The following KDM2A variants were observed in gnomAD, a reference collection of about 807,000 sequenced individuals.
KDM2A encodes the protein lysine demethylase 2A.
Under a neutral mutation model 137.3 loss-of-function variants are expected in KDM2A, and 3 were observed. The observed-to-expected ratio is 0.02, with a 90% CI of 0.01 to 0.06. The LOEUF is 0.06. KDM2A is among the 10% of genes least tolerant of loss of function. The pLI is 1.00. For synonymous variants in KDM2A, 512 were observed against 541.5 expected, an observed-to-expected ratio of 0.95 and a Z score of 0.76; for missense variants, 738 against 1,510.6, an observed-to-expected ratio of 0.49 and a Z score of 8.48.
chr11:67,201,651 C>G (rs1404829211), intron 5 of KDM2A, among the ~76,000 whole-genome samples: 5 of 151,504 alleles, frequency 3.3e-5, no homozygotes, highest in African/African-American at 1.2e-4. Context: ...GCCTGTAGTC[C>G]CAGCTACTTG....
intron 12 of KDM2A, among the ~76,000 whole-genome samples, chr11:67,232,395 A>G (rs2136427345): frequency 6.6e-6 from 1 of 152,352 alleles, no homozygotes; most frequent in East Asian, 1.9e-4. Flanking sequence ...GCCTCTTTAG[A>G]TTCAAATTTA....
chr11:67,203,690 G>A (rs1378626442), intron 5 of KDM2A, among the ~76,000 whole-genome samples: 1 of 151,330 alleles, frequency 6.6e-6, no homozygotes, highest in African/African-American at 2.4e-5. Context: ...GGAGGCAGAG[G>A]TTGCATTGAG....
intron 2 of KDM2A, among the ~76,000 whole-genome samples, chr11:67,148,673 T>G (rs964264814): frequency 5.0e-4 from 76 of 152,010 alleles, no homozygotes; most frequent in African/African-American, 1.6e-3. Context: ...TGGTGGTGGG[T>G]GCCTGTAATC....
chr11:67,151,651 C>T (rs1201343320), intron 2 of KDM2A, among the ~76,000 whole-genome samples: 2 of 152,084 alleles, frequency 1.3e-5, no homozygotes, highest in Non-Finnish European at 2.9e-5. Flanking sequence ...TGGACCCGGC[C>T]TCAAATCCTG....
intron 2 of KDM2A, among the ~76,000 whole-genome samples, chr11:67,124,863 T>C (rs1307792465): frequency 2.1e-5 from 3 of 139,604 alleles, no homozygotes; most frequent in African/African-American, 2.6e-5. Flanking sequence ...TTTTTCTTTC[T>C]TTTTTTTTTT....
intron 2 of KDM2A, among the ~76,000 whole-genome samples, chr11:67,163,206 C>G (rs142693916): frequency 8.2e-4 from 125 of 152,292 alleles, no homozygotes; most frequent in African/African-American, 2.3e-3. Context: ...TTCAAACTCT[C>G]TTGAAGGATC....
intron 5 of KDM2A, among the ~76,000 whole-genome samples, chr11:67,183,898 C>T (rs12274763): frequency 0.081 from 12,247 of 151,188 alleles, 1,669 homozygotes; most frequent in African/African-American, 0.28. Flanking sequence ...TGCTTGAGTC[C>T]AGGAGTTTGA....
chr11:67,227,156 A>T (rs2136418067), intron 10 of KDM2A, among the ~76,000 whole-genome samples: 1 of 152,342 alleles, frequency 6.6e-6, no homozygotes, highest in African/African-American at 2.4e-5. Flanking sequence ...GTGATTGATT[A>T]AGTCGTATGG....
At chr11:67,228,241 C>CA in intron 11 of KDM2A, 78 bp downstream of exon 11, 1 of 1,461,036 alleles carries the variant, frequency 6.8e-7, no homozygotes, top group South Asian at 1.2e-5. Context: ...AGTAGGCTGT[C>CA]ACTCAATATG....
At chr11:67,238,352 A>G (rs1243344094) in intron 12 of KDM2A, among the ~76,000 whole-genome samples, 1 of 152,208 alleles carries the variant, frequency 6.6e-6, no homozygotes, top group Non-Finnish European at 1.5e-5. Flanking sequence ...TTTTCTCTTA[A>G]GTATTCATAC....
chr11:67,230,365 T>A (rs115640717), intron 11 of KDM2A, among the ~76,000 whole-genome samples: 1 of 152,116 alleles, frequency 6.6e-6, no homozygotes, highest in African/African-American at 2.4e-5. Context: ...TGGTGGCTCA[T>A]GCCTGTGATC....
At chr11:67,242,433 A>G (rs1261175593) in intron 12 of KDM2A, among the ~76,000 whole-genome samples, 2 of 152,198 alleles carry the variant, frequency 1.3e-5, no homozygotes, top group Non-Finnish European at 2.9e-5. Context: ...TTAGCAAATC[A>G]TTTTTATGCC....
intron 2 of KDM2A, among the ~76,000 whole-genome samples, chr11:67,154,214 C>T (rs975389448): frequency 4.6e-5 from 7 of 152,220 alleles, no homozygotes; most frequent in East Asian, 1.9e-4. Context: ...AAATCTGGCT[C>T]GTCATTTGAT....
intron 6 of KDM2A, among the ~76,000 whole-genome samples, chr11:67,212,715 G>A (rs958694763): frequency 1.3e-5 from 2 of 151,792 alleles, no homozygotes; most frequent in South Asian, 2.1e-4. Context: ...CCAAAGAAAG[G>A]CAGGCAAAAA....
intron 10 of KDM2A, among the ~76,000 whole-genome samples, chr11:67,224,967 G>A (rs1264798150): frequency 6.8e-6 from 1 of 147,190 alleles, no homozygotes; most frequent in African/African-American, 2.5e-5. Flanking sequence ...CAGGCATCCC[G>A]AGTAGCTGGG....
Position 67,254,608 on chromosome 11 carries a change from A to T in KDM2A, c.3307+190A>T. The T allele has an allele frequency of 1.5e-6, 1 of 648,220 alleles. No homozygotes were observed. The highest frequency in any genetic ancestry group is 2.7e-6 in the Non-Finnish European group (1 of 373,450). The allele number at this position is 648,220 out of a possible 1,614,324, so 40.2% of individuals were successfully genotyped here. The stretch of plus-strand genomic sequence containing the variant: ...TGGGGGACTGAGGCCTTGAGTAGTT[A>T]AGTCGGTTGCCTGTCTGCGCAGCCA... On this transcript the variant is annotated intron_variant, in intron 20 of 20. Transcript: ENST00000529006. This position sits in a 1 kb window ranked among gnomAD's most constrained non-coding sequence, Gnocchi z 4.7.
At chr11:67,247,079 T>TTTTTA (rs1859268494) in intron 15 of KDM2A, among the ~76,000 whole-genome samples, 1 of 79,420 alleles carries the variant, frequency 1.3e-5, no homozygotes, top group Admixed American at 1.3e-4. Flanking sequence ...ATATTTTTTT[T>TTTTTA]TTTTTTTTTT....
chr11:67,125,984 G>GCCTGTAAT (rs995316614), intron 2 of KDM2A, among the ~76,000 whole-genome samples: 1 of 146,166 alleles, frequency 6.8e-6, no homozygotes, highest in Non-Finnish European at 1.5e-5. Context: ...AGTGTCTCAC[G>GCCTGTAAT]CCTGTAATCC....
intron 2 of KDM2A, among the ~76,000 whole-genome samples, chr11:67,178,942 G>A (rs1426277225): frequency 6.6e-6 from 1 of 152,148 alleles, no homozygotes; most frequent in Non-Finnish European, 1.5e-5. Flanking sequence ...TAAGTCGTAC[G>A]ATAACTTTGT....
Sources: allele counts gnomAD v4.1 joint callset (sites outside exome capture counted in the v4.1 genomes callset), GRCh38; gene constraint gnomAD v4.1.1; non-coding constraint Gnocchi (gnomAD v3.1); transcripts MANE v1.5; gene names NCBI Gene and HGNC (gene_info 2026-07-23, HGNC 2026-07-21).